Variants in GPN3 observed in about 807,000 individuals in gnomAD.
The protein encoded by GPN3 is ATP-binding domain 1 family member C.
In GPN3, 31 loss-of-function variants were observed where a neutral mutation model predicts 38.7. The observed-to-expected ratio is 0.80, with a 90% CI of 0.60 to 1.08. GPN3 has a LOEUF of 1.08. GPN3 is among the 50% of genes least tolerant of loss of function. The pLI is 0.00. For synonymous variants in GPN3, 116 were observed against 120.2 expected, an observed-to-expected ratio of 0.96 and a Z score of 0.23; for missense variants, 301 against 354.4, an observed-to-expected ratio of 0.85 and a Z score of 1.21.
In GPN3 at chr12:110,452,831, G is replaced by A. The variant is rs1038043584; in HGVS notation, c.*203C>T. 4.7e-5 allele frequency: 25 copies of A among 527,028 alleles called. No homozygotes were observed. Among genetic ancestry groups the A allele is most frequent in the African/African-American group, 4.6e-4 (24 of 51,710 alleles). The allele number at this position is 527,028 out of a possible 1,614,324, so 32.6% of individuals were successfully genotyped here. On this transcript the variant is annotated 3_prime_UTR_variant, in exon 8 of 8. Coordinates refer to ENST00000228827, the MANE Select transcript of GPN3 (RefSeq NM_016301.4). ...GACTTACAAAATCTAAAGTGATGCT[G>A]TTATAATACTAAAAGATTCCACTTT...
At chr12:110,468,432 A>C (rs143230003), upstream of GPN3, 13,876 of 1,534,758 alleles carry the variant, frequency 9.0e-3, 65 homozygotes, top group Non-Finnish European at 0.01. Flanking sequence ...AAAGTAGTTG[A>C]TGGAAATCGG....
intron 6 of GPN3, 47 bp downstream of exon 6, chr12:110,455,539 C>T (rs2062543363): frequency 1.3e-6 from 1 of 777,880 alleles, no homozygotes; most frequent in South Asian, 1.5e-5. Flanking sequence ...GGGTTACAGG[C>T]ATTAGCCACT....
intron 2 of GPN3, among the ~76,000 whole-genome samples, chr12:110,462,330 G>C (rs2062595190): frequency 6.6e-6 from 1 of 152,058 alleles, no homozygotes; most frequent in African/African-American, 2.4e-5. Context: ...TGCACTTAGT[G>C]AGTGCAAAGA....
At chr12:110,456,800 C>T (rs898998665) in intron 4 of GPN3, among the ~76,000 whole-genome samples, 1 of 151,602 alleles carries the variant, frequency 6.6e-6, no homozygotes, top group Admixed American at 6.6e-5. Context: ...TGTACTCAAG[C>T]GATCCTCCCA....
At chr12:110,468,691 C>A (rs2062656562), upstream of GPN3, 8 of 1,526,136 alleles carry the variant, frequency 5.2e-6, no homozygotes, top group Admixed American at 2.0e-5. Context: ...AACGTGCAAA[C>A]GCTCAGCGAC....
Position 110,458,408 on chromosome 12 carries a change from T to C in GPN3, c.326-774A>G, listed in dbSNP as rs2062564881. 6.6e-6 allele frequency among the ~76,000 whole-genome samples: 1 copy of C among 152,134 alleles called. No individual in the cohort carries two copies. The highest frequency in any genetic ancestry group is 1.5e-5 in the Non-Finnish European group (1 of 68,034). On this transcript the variant is annotated intron_variant, in intron 3 of 7. Coordinates refer to ENST00000228827, the MANE Select transcript of GPN3 (RefSeq NM_016301.4). This position sits in a 1 kb window ranked among gnomAD's most constrained non-coding sequence, Gnocchi z 4.4. The stretch of plus-strand genomic sequence containing the variant: ...TATGACATATATACTTTTCTGTGGG[T>C]ATATGTATGGTCAATTAAAAGCAAG...
chr12:110,457,419 T>C, intron 4 of GPN3, 91 bp downstream of exon 4: 3 of 1,129,544 alleles, frequency 2.7e-6, no homozygotes, highest in Non-Finnish European at 3.5e-6. Flanking sequence ...GCCACTGCGC[T>C]CCAGCCTAGG....
At chr12:110,468,362 G>T, upstream of GPN3, 3 of 1,525,772 alleles carry the variant, frequency 2.0e-6, no homozygotes, top group South Asian at 2.4e-5. Context: ...GCCAAATCCC[G>T]TGAGAAACGC....
chr12:110,466,929 G>C (rs1251773498), intron 1 of GPN3, among the ~76,000 whole-genome samples: 1 of 151,888 alleles, frequency 6.6e-6, no homozygotes. Context: ...CAACAGCTTA[G>C]AACAATGTGT....
At chr12:110,456,860 G>C (rs1324955955) in intron 4 of GPN3, among the ~76,000 whole-genome samples, 2 of 151,936 alleles carry the variant, frequency 1.3e-5, no homozygotes, top group Non-Finnish European at 2.9e-5. Context: ...ACAACGTCTA[G>C]CTAATTTTTA....
Position 110,453,074 on chromosome 12 carries a change from G to T in GPN3, c.815C>A (p.Ser272Tyr). ...TTCTTGAAAATATTCGTCAAACATAGAGGAAGACTCATCTTCACGTTCCTG... is the reference window on the plus strand; with the variant it reads ...TTCTTGAAAATATTCGTCAAACATATAGGAAGACTCATCTTCACGTTCCTG... ...EPKEREDESS[S>Y]MFDEYFQECQ... The change falls in exon 8 of 8, where the codon TCT (serine) becomes TAT (tyrosine). Residue 272 changes from serine to tyrosine, a missense_variant. Coordinates refer to ENST00000228827, the MANE Select transcript of GPN3 (RefSeq NM_016301.4). The T allele has an allele frequency of 6.8e-7, 1 of 1,462,500 alleles. No individual in the cohort carries two copies. The highest frequency in any genetic ancestry group is 9.6e-7 in the Non-Finnish European group (1 of 1,044,854). 90.6% of individuals were successfully genotyped at this position (1,462,500 alleles called of 1,614,324 possible).
At chr12:110,463,131 T>C (rs1018587564) in intron 2 of GPN3, among the ~76,000 whole-genome samples, 3 of 152,064 alleles carry the variant, frequency 2.0e-5, no homozygotes, top group Admixed American at 1.3e-4. Context: ...TTTTAAAACA[T>C]AAATCAGGCC....
chr12:110,462,989 C>T (rs2062601080), intron 2 of GPN3, among the ~76,000 whole-genome samples: 1 of 152,158 alleles, frequency 6.6e-6, no homozygotes, highest in Admixed American at 6.6e-5. Flanking sequence ...ATCTCCTGAC[C>T]TTGTGATCCG....
In GPN3 at chr12:110,458,678, A is replaced by G. The variant is rs1487240884; in HGVS notation, c.325+1017T>C. 6.6e-6 allele frequency among the ~76,000 whole-genome samples: 1 copy of G among 151,936 alleles called. No individual in the cohort carries two copies. Among genetic ancestry groups the G allele is most frequent in the African/African-American group, 2.4e-5 (1 of 41,362 alleles). ...GCCTGTAATCCCAGCTACTTGGGAG[A>G]CTGAGACAGGAGAATCACTTGAACC... On this transcript the variant is annotated intron_variant, in intron 3 of 7. Transcript: ENST00000228827. The surrounding 1 kb of genome is among the most constrained non-coding windows in gnomAD (Gnocchi z 4.4).
intron 2 of GPN3, among the ~76,000 whole-genome samples, chr12:110,463,606 C>CAAAAAAAAAAAAA (rs60072879): frequency 9.3e-5 from 6 of 64,290 alleles, no homozygotes; most frequent in Admixed American, 2.6e-4. Context: ...CCTGTCTCTA[C>CAAAAAAAAAAAAA]AAAAAAAAAA....
upstream of GPN3, chr12:110,468,395 G>A: frequency 1.3e-6 from 2 of 1,527,050 alleles, no homozygotes; most frequent in Non-Finnish European, 1.8e-6. Context: ...AAGGGGAGGG[G>A]CGAGGGAGAG....
At position 110,463,995 on chromosome 12, in the gene GPN3, A is replaced by G. The variant is rs567051019; in HGVS notation, c.157+1111T>C. Among the ~76,000 whole-genome samples, 56 of 151,766 alleles carry G rather than the reference A, an allele frequency of 3.7e-4. 1 individual carries two copies. Among genetic ancestry groups the G allele is most frequent in the African/African-American group, 1.3e-3 (52 of 41,398 alleles). ...CCAAATCCTTTCTCACCTCCAGGCT[A>G]TTTATTTATTTATTTTATTTTTCAG... On this transcript the variant is annotated intron_variant, in intron 2 of 7. Transcript: ENST00000228827.
At chr12:110,465,258 T>TA (rs1459265704) in intron 1 of GPN3, 44 bp from the exon 2 acceptor site, 1 of 1,028,738 alleles carries the variant, frequency 9.7e-7, no homozygotes, top group South Asian at 1.3e-5. Flanking sequence ...ACAGGTAGTG[T>TA]AGTGCTACCT....
At chr12:110,462,374 T>G (rs997541646) in intron 2 of GPN3, among the ~76,000 whole-genome samples, 2 of 152,110 alleles carry the variant, frequency 1.3e-5, no homozygotes, top group Admixed American at 1.3e-4. Context: ...CCTGTCTCCC[T>G]CCACAGGAAA....
Sources: allele counts gnomAD v4.1 joint callset (sites outside exome capture counted in the v4.1 genomes callset), GRCh38; gene constraint gnomAD v4.1.1; non-coding constraint Gnocchi (gnomAD v3.1); transcripts MANE v1.5; gene names NCBI Gene and HGNC (gene_info 2026-07-23, HGNC 2026-07-21).